TRERF1: variants seen among roughly 807,000 people sequenced by gnomAD.
TRERF1 encodes the protein transcriptional regulating factor 1.
In TRERF1, 27 loss-of-function variants were observed where a neutral mutation model predicts 122.9. That is an observed-to-expected ratio of 0.22 (90% CI 0.16 to 0.30). TRERF1 has a LOEUF of 0.30. TRERF1 is among the 10% of genes least tolerant of loss of function. The pLI is 1.00. For synonymous variants in TRERF1, 636 were observed against 641.7 expected (o/e 0.99, Z 0.13); for missense variants, 1,248 against 1,560.3 (o/e 0.80, Z 3.37).
At chr6:42,234,737 CT>C (rs1337027401) in intron 16 of TRERF1, among the ~76,000 whole-genome samples, 3 of 152,202 alleles carry the variant, frequency 2.0e-5, no homozygotes, top group African/African-American at 7.2e-5. Context: ...AACCAGCACG[CT>C]TTTTCCACTG....
chr6:42,381,947 T>C (rs1297531774), intron 2 of TRERF1, among the ~76,000 whole-genome samples: 1 of 150,770 alleles, frequency 6.6e-6, no homozygotes, highest in Non-Finnish European at 1.5e-5. Flanking sequence ...CCAATAATAA[T>C]AATAATCACA....
exon 18 of TRERF1, chr6:42,226,117 G>A (rs1001527078): frequency 1.3e-5 from 2 of 152,156 alleles, no homozygotes; most frequent in East Asian, 1.9e-4. Flanking sequence ...GAACTGTCTC[G>A]TTAAGGAGGA....
At chr6:42,336,967 A>G (rs1275934252) in intron 3 of TRERF1, among the ~76,000 whole-genome samples, 1 of 152,222 alleles carries the variant, frequency 6.6e-6, no homozygotes, top group African/African-American at 2.4e-5. Context: ...AGCAAGCGCC[A>G]GAGAGAGCAG....
At chr6:42,338,320 C>A (rs1766601662) in intron 3 of TRERF1, among the ~76,000 whole-genome samples, 2 of 151,410 alleles carry the variant, frequency 1.3e-5, no homozygotes, top group Non-Finnish European at 2.9e-5. Flanking sequence ...GTCTTCTGAA[C>A]AAGACTGGGA....
chr6:42,433,336 A>G (rs1316793016), intron 2 of TRERF1, among the ~76,000 whole-genome samples: 5 of 152,056 alleles, frequency 3.3e-5, no homozygotes, highest in South Asian at 2.1e-4. Flanking sequence ...AATGAGTCCA[A>G]TGTTCTGCAA....
chr6:42,260,515 A>C (rs1777641711), intron 8 of TRERF1, among the ~76,000 whole-genome samples: 1 of 152,210 alleles, frequency 6.6e-6, no homozygotes, highest in South Asian at 2.1e-4. Flanking sequence ...TAAACAGATG[A>C]GCAGGGCATG....
At chr6:42,266,215 GTCTTGC>G (rs1031632165) in intron 5 of TRERF1, among the ~76,000 whole-genome samples, 4 of 149,474 alleles carry the variant, frequency 2.7e-5, no homozygotes, top group African/African-American at 9.9e-5. Context: ...TTGAGACAGG[GTCTTGC>G]TCTGTCACCC....
intron 3 of TRERF1, among the ~76,000 whole-genome samples, chr6:42,356,397 A>G (rs1770555133): frequency 6.6e-6 from 1 of 152,198 alleles, no homozygotes; most frequent in Non-Finnish European, 1.5e-5. Context: ...GGGTGATCTT[A>G]TAAGAAGAGG....
chr6:42,285,951 A>C (rs1259024336), intron 4 of TRERF1, among the ~76,000 whole-genome samples: 7 of 151,346 alleles, frequency 4.6e-5, no homozygotes, highest in Admixed American at 6.6e-5. Context: ...AGAGATATAG[A>C]TCAATGGAAC....
At chr6:42,301,193 T>C (rs1786108776) in intron 3 of TRERF1, among the ~76,000 whole-genome samples, 1 of 152,102 alleles carries the variant, frequency 6.6e-6, no homozygotes, top group Non-Finnish European at 1.5e-5. Context: ...TCTCAAGTTA[T>C]TTGTCATGAA....
At chr6:42,321,823 A>G (rs1441927570) in intron 3 of TRERF1, among the ~76,000 whole-genome samples, 4 of 152,246 alleles carry the variant, frequency 2.6e-5, no homozygotes, top group African/African-American at 9.6e-5. Flanking sequence ...AAGCCTAAAA[A>G]AAAATCACTA....
chr6:42,257,195 T>C, intron 10 of TRERF1, 93 bp from the exon 11 acceptor site: 1 of 1,453,762 alleles, frequency 6.9e-7, no homozygotes, highest in Non-Finnish European at 9.4e-7. Flanking sequence ...AGAAGGAAAC[T>C]AGTTCTTTCT....
In TRERF1 at chr6:42,275,679, C is replaced by A. The variant is rs1781026980; in HGVS notation, c.-258-5831G>T. Among the ~76,000 whole-genome samples the A allele has an allele frequency of 6.6e-6, 1 of 152,234 alleles. No homozygotes were observed. Among genetic ancestry groups the A allele is most frequent in the Admixed American group, 6.5e-5 (1 of 15,292 alleles). ...CCCTCTGCAGGTCCCATGCCTCTGA[C>A]ATGGACTAAGGGACAGAATTTACTA... is the stretch of plus-strand genomic sequence containing the variant. On this transcript the variant is annotated intron_variant, in intron 4 of 17. Coordinates refer to ENST00000372922, the Ensembl canonical transcript of TRERF1. The surrounding 1 kb of genome is among the most constrained non-coding windows in gnomAD (Gnocchi z 4.1).
intron 2 of TRERF1, among the ~76,000 whole-genome samples, chr6:42,432,050 C>T (rs1784578478): frequency 1.3e-5 from 2 of 152,160 alleles, no homozygotes; most frequent in African/African-American, 4.8e-5. Flanking sequence ...CATGGCTCAG[C>T]TCTGCCACTG....
chr6:42,428,552 A>G (rs1783990345), intron 2 of TRERF1, among the ~76,000 whole-genome samples: 1 of 152,254 alleles, frequency 6.6e-6, no homozygotes, highest in Admixed American at 6.5e-5. Flanking sequence ...AGATTCACAC[A>G]TCTTACATCA....
At chr6:42,272,123 T>C (rs529169232) in intron 4 of TRERF1, among the ~76,000 whole-genome samples, 95 of 152,282 alleles carry the variant, frequency 6.2e-4, no homozygotes, top group African/African-American at 2.2e-3. Context: ...AAATGTATCA[T>C]AAAAAAATGT....
intron 2 of TRERF1, among the ~76,000 whole-genome samples, chr6:42,446,507 G>C (rs963469326): frequency 6.6e-6 from 1 of 152,172 alleles, no homozygotes; most frequent in African/African-American, 2.4e-5. Context: ...CAATTGGCAA[G>C]CTGTATTTCT....
intron 2 of TRERF1, among the ~76,000 whole-genome samples, chr6:42,405,429 G>A (rs950487752): frequency 3.9e-5 from 6 of 152,124 alleles, no homozygotes; most frequent in African/African-American, 1.4e-4. Context: ...GTTATTGGGA[G>A]GATTTAAATT....
At chr6:42,340,158 T>C (rs1259253902) in intron 3 of TRERF1, among the ~76,000 whole-genome samples, 1 of 152,204 alleles carries the variant, frequency 6.6e-6, no homozygotes, top group Non-Finnish European at 1.5e-5. Context: ...TTCTTACCTG[T>C]ACCTGCTACA....
Sources: allele counts gnomAD v4.1 joint callset (sites outside exome capture counted in the v4.1 genomes callset), GRCh38; gene constraint gnomAD v4.1.1; non-coding constraint Gnocchi (gnomAD v3.1); transcripts MANE v1.5; gene names NCBI Gene and HGNC (gene_info 2026-07-23, HGNC 2026-07-21).